The following TRPM6 variants were observed in gnomAD, a reference collection of about 807,000 sequenced individuals.
TRPM6 encodes the protein transient receptor potential cation channel subfamily M member 6.
Under a neutral mutation model 247.6 loss-of-function variants are expected in TRPM6, and 111 were observed. The observed-to-expected ratio is 0.45, with a 90% CI of 0.38 to 0.52. TRPM6 has a LOEUF of 0.52. Among genes scored for constraint, TRPM6 ranks in the 20% least tolerant of loss-of-function variants. The pLI, the probability that TRPM6 is intolerant of heterozygous loss-of-function variation, is 0.00. For missense variants in TRPM6, 2,126 were observed against 2,421.5 expected, an observed-to-expected ratio of 0.88 and a Z score of 2.56; for synonymous variants, 892 against 853.8, an observed-to-expected ratio of 1.04 and a Z score of -0.78.
chr9:74,732,869 G>A, intron 36 of TRPM6, 133 bp from the exon 37 acceptor site: 2 of 750,896 alleles, frequency 2.7e-6, no homozygotes, highest in Non-Finnish European at 4.5e-6. Flanking sequence ...AACATCATGA[G>A]CCCATACTTC....
intron 2 of TRPM6, among the ~76,000 whole-genome samples, chr9:74,856,774 C>T (rs1269020528): frequency 1.3e-5 from 2 of 152,066 alleles, no homozygotes; most frequent in Non-Finnish European, 1.5e-5. Flanking sequence ...AATTATCACC[C>T]ACTTCCTGTG....
At position 74,878,811 on chromosome 9, in the gene TRPM6, T is replaced by C. The variant is rs531684106; in HGVS notation, c.33+9013A>G. The stretch of plus-strand genomic sequence containing the variant: ...ATTCATAAAACCCAGGAAAAAGAAA[T>C]CAAACTAATGACATTAAAGAAGCTC... On this transcript the variant is annotated intron_variant, in intron 1 of 38. Coordinates refer to ENST00000360774, the MANE Select transcript of TRPM6 (RefSeq NM_017662.5). 3.9e-5 allele frequency among the ~76,000 whole-genome samples: 6 copies of C among 152,130 alleles called. No homozygotes were observed. In the South Asian group the frequency reaches 1.2e-3, roughly 32 times the overall value.
chr9:74,870,693 G>T (rs938259042), intron 1 of TRPM6, among the ~76,000 whole-genome samples: 1 of 152,198 alleles, frequency 6.6e-6, no homozygotes, highest in African/African-American at 2.4e-5. Flanking sequence ...GGAGGCCGAG[G>T]TGGGTGGATC....
chr9:74,739,689 C>A, intron 34 of TRPM6, 34 bp downstream of exon 34: 1 of 1,607,718 alleles, frequency 6.2e-7, no homozygotes. Context: ...TGACTTGTCC[C>A]TCTGGGCTAT....
At chr9:74,879,545 T>G (rs1206138385) in intron 1 of TRPM6, among the ~76,000 whole-genome samples, 2 of 152,136 alleles carry the variant, frequency 1.3e-5, no homozygotes, top group Non-Finnish European at 2.9e-5. Context: ...CAATGCAGGA[T>G]TCTAATCTTT....
chr9:74,752,987 C>A (rs1826302930), intron 28 of TRPM6, among the ~76,000 whole-genome samples: 2 of 151,912 alleles, frequency 1.3e-5, no homozygotes, highest in African/African-American at 4.8e-5. Flanking sequence ...GTGGTGCATA[C>A]CTGTAATTCC....
chr9:74,828,559 T>C (rs1267296619), intron 6 of TRPM6, among the ~76,000 whole-genome samples: 2 of 152,124 alleles, frequency 1.3e-5, no homozygotes, highest in South Asian at 4.1e-4. Flanking sequence ...TAGCCTGCTT[T>C]CCACGTGCTT....
intron 7 of TRPM6, among the ~76,000 whole-genome samples, chr9:74,824,171 T>TA (rs1326436414): frequency 1.3e-5 from 2 of 150,868 alleles, no homozygotes; most frequent in African/African-American, 2.5e-5. Flanking sequence ...TTTTTTTTTT[T>TA]ATGGAGTCTC....
intron 37 of TRPM6, 133 bp from the exon 38 acceptor site, chr9:74,728,478 T>A: frequency 1.4e-6 from 1 of 700,324 alleles, no homozygotes; most frequent in Non-Finnish European, 2.6e-6. Flanking sequence ...ACAGAGCACT[T>A]TGGGGAAACA....
chr9:74,858,823 A>C (rs1346596237), intron 1 of TRPM6, 75 bp from the exon 2 acceptor site: 36 of 1,185,166 alleles, frequency 3.0e-5, no homozygotes, highest in Non-Finnish European at 4.3e-5. Flanking sequence ...TCCTGCAGGT[A>C]AGAAATACTC....
intron 31 of TRPM6, among the ~76,000 whole-genome samples, chr9:74,744,987 A>T (rs892460118): frequency 6.6e-6 from 1 of 152,246 alleles, no homozygotes; most frequent in Non-Finnish European, 1.5e-5. Context: ...AGTCATCAAT[A>T]AAAACAAAAA....
At position 74,724,480 on chromosome 9, in the gene TRPM6, GA is replaced by G; in HGVS notation, c.*132del. ...CATATACCAATGAGGCCTTTGAACA[GA>G]AGGAGATGTGAGGCTCAGAAGGCGT... On this transcript the variant is annotated 3_prime_UTR_variant, in exon 39 of 39. Transcript: ENST00000360774. 1 of 1,316,750 alleles carries G rather than the reference GA, an allele frequency of 7.6e-7. No homozygotes were observed. Among genetic ancestry groups the G allele is most frequent in the Non-Finnish European group, 1.1e-6 (1 of 919,228 alleles). 81.6% of individuals were successfully genotyped at this position (1,316,750 alleles called of 1,614,324 possible).
chr9:74,842,491 G>C, intron 3 of TRPM6, 148 bp from the exon 4 acceptor site: 1 of 819,170 alleles, frequency 1.2e-6, no homozygotes, highest in Non-Finnish European at 2.0e-6. Flanking sequence ...ACATAGGACT[G>C]TCTTCTAAGT....
chr9:74,874,838 C>A (rs1831142115), intron 1 of TRPM6, among the ~76,000 whole-genome samples: 1 of 151,640 alleles, frequency 6.6e-6, no homozygotes, highest in African/African-American at 2.4e-5. Context: ...TCACTGCAAC[C>A]TCCACCTCCC....
At chr9:74,799,806 G>A (rs1274644915) in intron 17 of TRPM6, 1 of 191,996 alleles carries the variant, frequency 5.2e-6, no homozygotes, top group Non-Finnish European at 1.1e-5. Context: ...TTTTCAAAAG[G>A]AAACTGTGGC....
At chr9:74,775,339 A>G (rs1827182709) in intron 24 of TRPM6, among the ~76,000 whole-genome samples, 1 of 152,166 alleles carries the variant, frequency 6.6e-6, no homozygotes, top group Non-Finnish European at 1.5e-5. Context: ...ACAGGCATGC[A>G]CTACCGCACC....
In TRPM6 at chr9:74,803,295, TAC is replaced by T. The variant is rs3056763; in HGVS notation, c.1731+497_1731+498del. Among the ~76,000 whole-genome samples the T allele has an allele frequency of 8.8e-4, 132 of 149,312 alleles. 1 individual carries two copies. Among genetic ancestry groups the T allele is most frequent in the African/African-American group, 2.3e-3 (93 of 40,712 alleles). On this transcript the variant is annotated intron_variant, in intron 15 of 38. Coordinates refer to ENST00000360774, the MANE Select transcript of TRPM6 (RefSeq NM_017662.5). ...GAGACTAGGAGGAATAACAATGTTG[TAC>T]ACACACACACACACACACACTCATC...
At chr9:74,832,622 C>G (rs1829584538) in intron 6 of TRPM6, among the ~76,000 whole-genome samples, 1 of 152,100 alleles carries the variant, frequency 6.6e-6, no homozygotes, top group Non-Finnish European at 1.5e-5. Context: ...AGGGTGTCGG[C>G]TGAATGGATA....
chr9:74,824,511 G>GAAAAAAAAAAAAA (rs59044061), intron 7 of TRPM6, among the ~76,000 whole-genome samples: 1 of 46,966 alleles, frequency 2.1e-5, no homozygotes, highest in Non-Finnish European at 5.7e-5. Context: ...GGCTTTTTCT[G>GAAAAAAAAAAAAA]AAAAAAAAAA....
Sources: allele counts gnomAD v4.1 joint callset (sites outside exome capture counted in the v4.1 genomes callset), GRCh38; gene constraint gnomAD v4.1.1; transcripts MANE v1.5; gene names NCBI Gene and HGNC (gene_info 2026-07-23, HGNC 2026-07-21).